Variants in AFF2 observed in about 807,000 individuals in gnomAD.
AFF2 encodes the protein ALF transcription elongation factor 2, also known as AF4/FMR2 family member 2.
In AFF2, 14 loss-of-function variants were observed where a neutral mutation model predicts 76.9. The ratio of observed to expected loss-of-function variants is 0.18; its 90% CI spans 0.12 to 0.28. The LOEUF (loss-of-function observed/expected upper bound fraction) is 0.28, where lower values mean the gene tolerates loss of function less well. AFF2 is among the 10% of genes least tolerant of loss of function. The probability of loss-of-function intolerance (pLI) is 1.00; values close to 1 mark genes in which losing one functional copy is unlikely to be tolerated. For synonymous variants in AFF2, 398 were observed against 366.7 expected, an observed-to-expected ratio of 1.09 and a Z score of -0.98; for missense variants, 868 against 1,001.1, an observed-to-expected ratio of 0.87 and a Z score of 1.79.
At chrX:148,758,119 G>C (rs2069396656) in intron 3 of AFF2, among the ~76,000 whole-genome samples, 1 of 112,343 alleles carries the variant, frequency 8.9e-6, no homozygotes, top group Admixed American at 9.4e-5. Context: ...CAATCTGGTT[G>C]ATTCCTGTGT....
chrX:148,958,848 T>C (rs782112748), intron 12 of AFF2, among the ~76,000 whole-genome samples: 1 of 111,336 alleles, frequency 9.0e-6, no homozygotes, highest in African/African-American at 3.3e-5. Flanking sequence ...TCAGTTCTGA[T>C]GGTGATTACT....
chrX:148,573,398 G>C (rs1193835650), intron 1 of AFF2, among the ~76,000 whole-genome samples: 1 of 111,205 alleles, frequency 9.0e-6, no homozygotes, highest in Non-Finnish European at 1.9e-5. Context: ...ATATGGAGTG[G>C]ATAGGAATTT....
rs73618334 is a variant in AFF2 at position 148,555,738 on chromosome X, A to G, written c.47+54594A>G. Among the ~76,000 whole-genome samples, 261 of 112,478 alleles carry G rather than the reference A, an allele frequency of 2.3e-3. 1 individual carries two copies. The highest frequency in any genetic ancestry group is 8.1e-3 in the African/African-American group (250 of 31,025). ...TTTTGTCATCTCTCACAAAACTAAA[A>G]TCACCATAAGAAATCTTTCTGCATA... On this transcript the variant is annotated intron_variant, in intron 1 of 20. Transcript: ENST00000370460.
At chrX:148,855,207 G>C (rs782506292) in intron 7 of AFF2, among the ~76,000 whole-genome samples, 49 of 111,204 alleles carry the variant, frequency 4.4e-4, no homozygotes, top group Admixed American at 1.8e-3. Flanking sequence ...CCTCATTTGC[G>C]AGTCTCTTCA....
intron 3 of AFF2, among the ~76,000 whole-genome samples, chrX:148,771,996 A>G (rs1557268137): frequency 8.9e-6 from 1 of 111,909 alleles, no homozygotes; most frequent in Non-Finnish European, 1.9e-5. Flanking sequence ...TGCAAGATTC[A>G]TGCAAGACTG....
At chrX:148,585,555 G>C (rs1296278111) in intron 1 of AFF2, among the ~76,000 whole-genome samples, 1 of 111,481 alleles carries the variant, frequency 9.0e-6, no homozygotes, top group Non-Finnish European at 1.9e-5. Context: ...AGAAGACTGA[G>C]TAGGCCGGGC....
At chrX:148,511,341 T>G (rs1347762619) in intron 1 of AFF2, among the ~76,000 whole-genome samples, 1 of 112,103 alleles carries the variant, frequency 8.9e-6, no homozygotes, top group Non-Finnish European at 1.9e-5. Flanking sequence ...CAACATTTGC[T>G]GAGTATTTTT....
intron 2 of AFF2, 81 bp downstream of exon 2, chrX:148,652,212 C>A (rs1204052092): frequency 2.7e-6 from 2 of 735,443 alleles, no homozygotes; most frequent in Admixed American, 2.9e-5. Context: ...ATGTTTAAAG[C>A]ACCCAACTCA....
intron 9 of AFF2, among the ~76,000 whole-genome samples, chrX:148,927,248 T>C (rs1189035330): frequency 8.9e-6 from 1 of 112,128 alleles, no homozygotes; most frequent in Non-Finnish European, 1.9e-5. Context: ...GGAGTATGGC[T>C]GAGGCAGGGT....
chrX:148,967,769 C>T, intron 15 of AFF2, 77 bp downstream of exon 15: 1 of 1,017,057 alleles, frequency 9.8e-7, no homozygotes, highest in East Asian at 3.1e-5. Flanking sequence ...AGCACTTTTC[C>T]AAACAAATTT....
At chrX:148,947,192 C>T (rs1017833976) in intron 9 of AFF2, among the ~76,000 whole-genome samples, 16 of 112,171 alleles carry the variant, frequency 1.4e-4, no homozygotes, top group Admixed American at 4.7e-4. Context: ...ACATGTTAGG[C>T]AAAGACAATC....
chrX:148,635,909 G>A (rs1183885592), intron 1 of AFF2, among the ~76,000 whole-genome samples: 3 of 110,615 alleles, frequency 2.7e-5, no homozygotes, highest in Non-Finnish European at 1.9e-5. Context: ...CCCAGCATTA[G>A]TAGAGTTATC....
Position 148,987,384 on chromosome X carries a change from T to C in AFF2, c.3641T>C (p.Val1214Ala). ...TTTCCCAGGAACACTCCATCCCCAG[T>C]GTCTCTCAACAACGTCTCCCCCATC... ...VSNGKNTPSP[V>A]SLNNVSPINA... The change falls in exon 20 of 21, where the codon GTG becomes GCG. Residue 1214 changes from valine to alanine, a missense_variant. Val to Ala is a moderately conservative substitution (Grantham distance 64). This residue lies in a region of AFF2 where 46 missense variants were observed against 40.8 expected (regional missense o/e 1.13). Coordinates refer to ENST00000370460, the MANE Select transcript of AFF2 (RefSeq NM_002025.4). 3 of 1,209,826 alleles carry C rather than the reference T, an allele frequency of 2.5e-6. No individual in the cohort carries two copies. The highest frequency in any genetic ancestry group is 1.7e-5 in the African/African-American group (1 of 57,665).
At chrX:148,526,957 G>C (rs1302187507) in intron 1 of AFF2, among the ~76,000 whole-genome samples, 1 of 112,003 alleles carries the variant, frequency 8.9e-6, no homozygotes, top group African/African-American at 3.2e-5. Context: ...AATCAGTTCA[G>C]GTAAGAGTCA....
intron 3 of AFF2, among the ~76,000 whole-genome samples, chrX:148,764,571 T>C (rs2069489325): frequency 2.7e-5 from 3 of 112,529 alleles, no homozygotes; most frequent in Admixed American, 1.9e-4. Context: ...GTTGGCTTTG[T>C]TTTATTTCTA....
At chrX:148,676,160 C>A (rs782718945) in intron 3 of AFF2, among the ~76,000 whole-genome samples, 11 of 107,238 alleles carry the variant, frequency 1.0e-4, no homozygotes, top group Non-Finnish European at 2.1e-4. Context: ...CCCAGGTTCA[C>A]GCCATTCTCC....
intron 1 of AFF2, among the ~76,000 whole-genome samples, chrX:148,613,892 C>T (rs998405940): frequency 6.3e-4 from 71 of 112,117 alleles, no homozygotes; most frequent in African/African-American, 2.0e-3. Flanking sequence ...TTGTACTTAG[C>T]CGTGAATTAG....
At chrX:148,772,707 G>A (rs1380438568) in intron 3 of AFF2, among the ~76,000 whole-genome samples, 1 of 110,157 alleles carries the variant, frequency 9.1e-6, no homozygotes, top group African/African-American at 3.3e-5. Context: ...TCTAAGTGGA[G>A]GCAGTAAAGA....
At chrX:148,614,072 A>G (rs958553070) in intron 1 of AFF2, among the ~76,000 whole-genome samples, 2 of 111,976 alleles carry the variant, frequency 1.8e-5, no homozygotes, top group African/African-American at 6.5e-5. Context: ...CAACTCATTA[A>G]CAACTTAATG....
Sources: gnomAD v4.1 joint callset for allele counts (sites outside exome capture counted in the v4.1 genomes callset) on GRCh38, gnomAD v4.1.1 for gene constraint, gnomAD v4.1.1 regional missense constraint, MANE v1.5 for transcripts, NCBI Gene and HGNC (gene_info 2026-07-23, HGNC 2026-07-21) for gene names.